Variants in ENOX1 observed in about 807,000 individuals in gnomAD.
ENOX1 encodes the protein ecto-NOX disulfide-thiol exchanger 1.
Under a neutral mutation model 82.5 loss-of-function variants are expected in ENOX1, and 42 were observed. The ratio of observed to expected loss-of-function variants is 0.51; its 90% CI spans 0.40 to 0.66. The LOEUF is 0.66. Among genes scored for constraint, ENOX1 ranks in the 30% least tolerant of loss-of-function variants. The probability of loss-of-function intolerance (pLI) is 0.00; values close to 1 mark genes in which losing one functional copy is unlikely to be tolerated. For missense variants in ENOX1, 608 were observed against 811.6 expected (o/e 0.75, Z 3.05); for synonymous variants, 271 against 282.2 (o/e 0.96, Z 0.40).
chr13:43,374,510 G>A (rs1427972574), intron 5 of ENOX1, among the ~76,000 whole-genome samples: 1 of 152,092 alleles, frequency 6.6e-6, no homozygotes, highest in African/African-American at 2.4e-5. Flanking sequence ...CCTCCCAAAT[G>A]TTGGGATTAC....
intron 3 of ENOX1, among the ~76,000 whole-genome samples, chr13:43,460,130 T>C (rs2057402203): frequency 6.6e-6 from 1 of 152,218 alleles, no homozygotes. Context: ...CTTCTTTTGT[T>C]ACAAAATTAT....
chr13:43,763,026 A>T (rs565452335), intron 1 of ENOX1, among the ~76,000 whole-genome samples: 111 of 152,348 alleles, frequency 7.3e-4, no homozygotes, highest in African/African-American at 1.7e-3. Context: ...CTTCATATTT[A>T]ACTGAAATCG....
intron 1 of ENOX1, among the ~76,000 whole-genome samples, chr13:43,744,815 G>A (rs960435121): frequency 2.0e-5 from 3 of 152,150 alleles, no homozygotes; most frequent in South Asian, 2.1e-4. Flanking sequence ...TTGAACCCAA[G>A]CTAAAGCAAA....
chr13:43,256,021 A>G (rs2043724739), intron 14 of ENOX1, among the ~76,000 whole-genome samples: 1 of 152,192 alleles, frequency 6.6e-6, no homozygotes. Context: ...TTTATAGCCA[A>G]CTGATTTTCA....
Position 43,698,872 on chromosome 13 carries a change from C to T in ENOX1, c.-284-31328G>A, listed in dbSNP as rs9567249. On this transcript the variant is annotated intron_variant, in intron 1 of 16. Coordinates refer to ENST00000690772, the MANE Select transcript of ENOX1 (RefSeq NM_001347969.2). ...CTCTTCTTACAGTTTTAACCTTTTG[C>T]GGAAAAAAAGGCATAGCTTCCAGCC... is the stretch of plus-strand genomic sequence containing the variant. Among the ~76,000 whole-genome samples the T allele has an allele frequency of 1.3e-4, 20 of 152,070 alleles. No individual in the cohort carries two copies. In the East Asian group the frequency reaches 2.5e-3, roughly 19 times the overall value.
At chr13:43,446,926 C>A (rs781739475) in intron 3 of ENOX1, among the ~76,000 whole-genome samples, 1 of 152,140 alleles carries the variant, frequency 6.6e-6, no homozygotes. Context: ...CTGGAAGCTG[C>A]GATAATCTTG....
At chr13:43,400,172 C>G (rs2053411911) in intron 5 of ENOX1, among the ~76,000 whole-genome samples, 1 of 152,156 alleles carries the variant, frequency 6.6e-6, no homozygotes, top group Admixed American at 6.5e-5. Flanking sequence ...GCAGGGCTCT[C>G]AAAGAGTGTC....
At chr13:43,763,659 C>T (rs1301750450) in intron 1 of ENOX1, among the ~76,000 whole-genome samples, 1 of 152,114 alleles carries the variant, frequency 6.6e-6, no homozygotes, top group Non-Finnish European at 1.5e-5. Context: ...AAATGAATAC[C>T]TCTGAGAACT....
intron 3 of ENOX1, among the ~76,000 whole-genome samples, chr13:43,460,759 A>C (rs1198049883): frequency 2.9e-5 from 4 of 139,600 alleles, no homozygotes; most frequent in Non-Finnish European, 4.6e-5. Flanking sequence ...GCACCACTGC[A>C]CTCCAGCCCG....
At chr13:43,417,197 A>G (rs1239440439) in intron 3 of ENOX1, among the ~76,000 whole-genome samples, 1 of 110,528 alleles carries the variant, frequency 9.0e-6, no homozygotes, top group Non-Finnish European at 1.9e-5. Context: ...CAACAGAGGG[A>G]GACGGGAGAC....
At chr13:43,351,095 G>A (rs79532521) in intron 8 of ENOX1, among the ~76,000 whole-genome samples, 1,865 of 152,320 alleles carry the variant, frequency 0.012, 47 homozygotes, top group African/African-American at 0.043. Flanking sequence ...CAGTCACAGA[G>A]TCATCTAAGC....
At chr13:43,320,664 C>A (rs1186032458) in intron 11 of ENOX1, among the ~76,000 whole-genome samples, 1 of 152,006 alleles carries the variant, frequency 6.6e-6, no homozygotes, top group Non-Finnish European at 1.5e-5. Flanking sequence ...ATCACCAAGA[C>A]AAAACAAAAA....
chr13:43,553,247 T>G (rs189007854), intron 2 of ENOX1, among the ~76,000 whole-genome samples: 1 of 152,340 alleles, frequency 6.6e-6, no homozygotes, highest in East Asian at 1.9e-4. Flanking sequence ...CCAATTCATA[T>G]GTGCTGAATT....
At chr13:43,737,533 T>C (rs1035756747) in intron 1 of ENOX1, among the ~76,000 whole-genome samples, 7 of 152,180 alleles carry the variant, frequency 4.6e-5, no homozygotes, top group African/African-American at 1.7e-4. Flanking sequence ...CTATACCAAA[T>C]AGATGGGAAC....
intron 3 of ENOX1, among the ~76,000 whole-genome samples, chr13:43,432,164 T>A (rs1185886316): frequency 3.9e-5 from 6 of 152,260 alleles, no homozygotes; most frequent in Non-Finnish European, 7.4e-5. Context: ...TTTGGAACTG[T>A]GAATAACAAA....
At chr13:43,221,332 A>G (rs893193532) in intron 16 of ENOX1, among the ~76,000 whole-genome samples, 1 of 152,190 alleles carries the variant, frequency 6.6e-6, no homozygotes, top group African/African-American at 2.4e-5. Flanking sequence ...CTCAAGTCAA[A>G]TGTTTCTTCT....
At chr13:43,421,918 T>C (rs2054998973) in intron 3 of ENOX1, among the ~76,000 whole-genome samples, 1 of 145,476 alleles carries the variant, frequency 6.9e-6, no homozygotes, top group African/African-American at 2.5e-5. Context: ...AATGAATTCA[T>C]GCAAGGAGGA....
At chr13:43,264,751 C>T (rs924187772) in intron 14 of ENOX1, among the ~76,000 whole-genome samples, 1 of 152,146 alleles carries the variant, frequency 6.6e-6, no homozygotes, top group Non-Finnish European at 1.5e-5. Flanking sequence ...CAATGATCTA[C>T]AGGGTATAAT....
At chr13:43,687,112 T>C (rs2153801222) in intron 1 of ENOX1, among the ~76,000 whole-genome samples, 1 of 152,338 alleles carries the variant, frequency 6.6e-6, no homozygotes, top group Non-Finnish European at 1.5e-5. Context: ...ATGCTTACCA[T>C]ATTGTCCTAT....
Sources: allele counts gnomAD v4.1 joint callset (sites outside exome capture counted in the v4.1 genomes callset), GRCh38; gene constraint gnomAD v4.1.1; transcripts MANE v1.5; gene names NCBI Gene and HGNC (gene_info 2026-07-23, HGNC 2026-07-21).